Variants in GALNT2 observed in about 807,000 individuals in gnomAD.
GALNT2 encodes the protein polypeptide N-acetylgalactosaminyltransferase 2.
Under a neutral mutation model 81.4 loss-of-function variants are expected in GALNT2, and 31 were observed. That is an observed-to-expected ratio of 0.38 (90% CI 0.29 to 0.51). The LOEUF (loss-of-function observed/expected upper bound fraction) is 0.51. Ranked by LOEUF, GALNT2 falls within the 20% of genes least tolerant of loss-of-function variation. The probability of loss-of-function intolerance (pLI) is 0.87; values close to 1 mark genes in which losing one functional copy is unlikely to be tolerated. For synonymous variants in GALNT2, 303 were observed against 287.4 expected (o/e 1.05, Z -0.55); for missense variants, 629 against 765.7 (o/e 0.82, Z 2.11).
intron 1 of GALNT2, among the ~76,000 whole-genome samples, chr1:230,119,297 T>C (rs1660941103): frequency 6.6e-6 from 1 of 152,246 alleles, no homozygotes; most frequent in African/African-American, 2.4e-5. Flanking sequence ...ATCGCCTTAC[T>C]GTTTTCCAGC....
At chr1:230,213,481 T>G (rs1476038176) in intron 3 of GALNT2, among the ~76,000 whole-genome samples, 1 of 152,226 alleles carries the variant, frequency 6.6e-6, no homozygotes, top group African/African-American at 2.4e-5. Flanking sequence ...ATGGTATACA[T>G]TTTCCCATGC....
At chr1:230,060,834 A>G (rs1183184377) in intron 1 of GALNT2, among the ~76,000 whole-genome samples, 72 of 152,242 alleles carry the variant, frequency 4.7e-4, no homozygotes, top group Non-Finnish European at 8.8e-5. Flanking sequence ...ATTTTGATGC[A>G]TATATGGTCT....
intron 3 of GALNT2, among the ~76,000 whole-genome samples, chr1:230,205,294 C>T (rs777715743): frequency 3.9e-5 from 6 of 152,180 alleles, no homozygotes; most frequent in Non-Finnish European, 8.8e-5. Context: ...CTAGTCAGCT[C>T]TGTTCACCTA....
chr1:230,189,872 C>CAT (rs755186128), intron 2 of GALNT2, among the ~76,000 whole-genome samples: 1 of 152,224 alleles, frequency 6.6e-6, no homozygotes, highest in Non-Finnish European at 1.5e-5. Flanking sequence ...CTGGGTCCCT[C>CAT]ATATGAGTGC....
intron 1 of GALNT2, among the ~76,000 whole-genome samples, chr1:230,082,490 T>C (rs1166128689): frequency 6.6e-6 from 1 of 152,246 alleles, no homozygotes; most frequent in Non-Finnish European, 1.5e-5. Context: ...TTGGCCTACC[T>C]TGGAGAGATC....
chr1:230,129,948 G>A (rs1322144822), intron 1 of GALNT2, among the ~76,000 whole-genome samples: 1 of 152,262 alleles, frequency 6.6e-6, no homozygotes, highest in Non-Finnish European at 1.5e-5. Context: ...CCTGTGGACA[G>A]GCATCACCCG....
At chr1:230,267,200 T>C (rs1666060376) in intron 14 of GALNT2, among the ~76,000 whole-genome samples, 1 of 152,266 alleles carries the variant, frequency 6.6e-6, no homozygotes, top group South Asian at 2.1e-4. Flanking sequence ...CTTCATATCA[T>C]TGATCTCTGT....
At chr1:230,165,417 T>A (rs933437713) in intron 1 of GALNT2, among the ~76,000 whole-genome samples, 1 of 152,266 alleles carries the variant, frequency 6.6e-6, no homozygotes. Context: ...TTTTCTCTTA[T>A]AAATAATGCT....
At chr1:230,157,060 T>G (rs1023162677) in intron 1 of GALNT2, among the ~76,000 whole-genome samples, 1 of 152,154 alleles carries the variant, frequency 6.6e-6, no homozygotes, top group East Asian at 1.9e-4. Flanking sequence ...CAGGAGTAAA[T>G]AAGACCATCC....
chr1:230,188,184 C>T (rs1408500102), intron 2 of GALNT2, among the ~76,000 whole-genome samples: 2 of 152,114 alleles, frequency 1.3e-5, no homozygotes, highest in Non-Finnish European at 2.9e-5. Context: ...TTTCTTTGCC[C>T]CAGAAGATTG....
chr1:230,185,650 T>C (rs754350368), intron 2 of GALNT2, among the ~76,000 whole-genome samples: 1 of 152,236 alleles, frequency 6.6e-6, no homozygotes, highest in South Asian at 2.1e-4. Flanking sequence ...TTTCTCCCGA[T>C]GGCAGGCCTT....
chr1:230,262,847 A>G, intron 12 of GALNT2, 75 bp from the exon 13 acceptor site: 4 of 1,470,738 alleles, frequency 2.7e-6, no homozygotes, highest in Non-Finnish European at 3.8e-6. Context: ...TCTCCTCAGC[A>G]GATTTTCAAG....
chr1:230,175,430 A>G (rs1264081), intron 1 of GALNT2, among the ~76,000 whole-genome samples: 34,842 of 152,008 alleles, frequency 0.23, 4,813 homozygotes, highest in East Asian at 0.38. Flanking sequence ...AAATTGGAAT[A>G]GTAATAGCAT....
chr1:230,126,827 C>G lies in GALNT2; in HGVS notation c.127-51391C>G, dbSNP rs570561999. Among the ~76,000 whole-genome samples the G allele has an allele frequency of 5.3e-5, 8 of 152,288 alleles. No individual in the cohort carries two copies. In the South Asian group the frequency reaches 1.7e-3, roughly 32 times the overall value. ...TTTGCTGAGGAGAGACTGAGGCACG[C>G]CAAGGAGTGACTGCACCCAGCGCAG... On this transcript the variant is annotated intron_variant, in intron 1 of 15. Transcript: ENST00000366672.
At chr1:230,191,661 G>A (rs527260033) in intron 2 of GALNT2, among the ~76,000 whole-genome samples, 3 of 152,308 alleles carry the variant, frequency 2.0e-5, no homozygotes, top group South Asian at 2.1e-4. Flanking sequence ...ACGGGTATGT[G>A]CCACTATGCC....
chr1:230,079,829 A>C (rs1259164635), intron 1 of GALNT2, among the ~76,000 whole-genome samples: 1 of 152,244 alleles, frequency 6.6e-6, no homozygotes, highest in Non-Finnish European at 1.5e-5. Context: ...TCATGGAGGC[A>C]GACGGGCTCA....
chr1:230,101,270 T>C (rs944404285), intron 1 of GALNT2, among the ~76,000 whole-genome samples: 9 of 152,278 alleles, frequency 5.9e-5, no homozygotes, highest in Non-Finnish European at 8.8e-5. Flanking sequence ...ATGTGTCATA[T>C]GGCAAGGGTG....
chr1:230,249,630 C>T (rs1665482113), intron 9 of GALNT2, among the ~76,000 whole-genome samples: 1 of 152,188 alleles, frequency 6.6e-6, no homozygotes, highest in Non-Finnish European at 1.5e-5. Context: ...TGCTACTGCC[C>T]AGCAGGCCTT....
At chr1:230,069,000 T>G (rs1251958015) in intron 1 of GALNT2, among the ~76,000 whole-genome samples, 1 of 152,278 alleles carries the variant, frequency 6.6e-6, no homozygotes, top group African/African-American at 2.4e-5. Context: ...TTGGCCACTC[T>G]GCATAGCCTG....
Sources: allele counts gnomAD v4.1 joint callset (sites outside exome capture counted in the v4.1 genomes callset), GRCh38; gene constraint gnomAD v4.1.1; transcripts MANE v1.5; gene names NCBI Gene and HGNC (gene_info 2026-07-23, HGNC 2026-07-21).